Variants in DAPP1 observed in about 807,000 individuals in gnomAD.
DAPP1 encodes dual adaptor of phosphotyrosine and 3-phosphoinositides 1, also known as dual adapter for phosphotyrosine and 3-phosphotyrosine and 3-phosphoinositide.
In DAPP1, 20 loss-of-function variants were observed where a neutral mutation model predicts 41.5. The observed-to-expected ratio is 0.48, with a 90% CI of 0.34 to 0.70. DAPP1 has a LOEUF of 0.70. DAPP1 is among the 30% of genes least tolerant of loss of function. The pLI is 0.01. For synonymous variants in DAPP1, 113 were observed against 116.2 expected, an observed-to-expected ratio of 0.97 and a Z score of 0.18; for missense variants, 233 against 333.4, an observed-to-expected ratio of 0.70 and a Z score of 2.35.
Position 99,868,171 on chromosome 4 carries a change from T to C in DAPP1, c.829T>C (p.Phe277Leu). ...GGAAGGCACGATCCGATCTCGGTCG[T>C]TCATCTTTAAATAGATCTTTCTTGC... Reference protein sequence around the residue: ...QGEGTIRSRSFIFK With the variant: ...QGEGTIRSRSLIFK The change falls in exon 9 of 9, where the codon TTC becomes CTC. Residue 277 changes from phenylalanine to leucine, a missense_variant. Transcript: ENST00000512369. 2 of 1,613,960 alleles carry C rather than the reference T, an allele frequency of 1.2e-6. No individual in the cohort carries two copies. Among genetic ancestry groups the C allele is most frequent in the South Asian group, 2.2e-5 (2 of 91,086 alleles).
At chr4:99,828,398 T>C (rs1367347781) in intron 1 of DAPP1, among the ~76,000 whole-genome samples, 2 of 152,240 alleles carry the variant, frequency 1.3e-5, no homozygotes, top group Non-Finnish European at 2.9e-5. Context: ...GACATATGTA[T>C]GTTTATATAT....
rs182161586 is a variant in DAPP1 at position 99,855,233 on chromosome 4, C to G, written c.489+1885C>G. On this transcript the variant is annotated intron_variant, in intron 4 of 8. Coordinates refer to ENST00000512369, the MANE Select transcript of DAPP1 (RefSeq NM_014395.3). The stretch of plus-strand genomic sequence containing the variant: ...CACCCTTACCCTTAATATAGATCAC[C>G]AGTCACTTCAACATCTCTTTCATTT... 1.1e-3 allele frequency among the ~76,000 whole-genome samples: 166 copies of G among 152,304 alleles called. 1 individual carries two copies. The Middle Eastern group carries it at 0.017, about 16-fold the overall frequency.
At chr4:99,845,874 A>G (rs1723649246) in intron 3 of DAPP1, among the ~76,000 whole-genome samples, 1 of 152,250 alleles carries the variant, frequency 6.6e-6, no homozygotes, top group South Asian at 2.1e-4. Flanking sequence ...AATAAAATTT[A>G]CAGCTTGAGA....
intron 3 of DAPP1, among the ~76,000 whole-genome samples, chr4:99,849,758 T>C (rs911687861): frequency 2.6e-5 from 4 of 152,066 alleles, no homozygotes; most frequent in Non-Finnish European, 5.9e-5. Context: ...TCAAATAACT[T>C]TGGGGTGGGG....
rs1377569936 is a variant in DAPP1, at chr4:99,868,336, C to T, written c.*151C>T. Reference sequence around the variant, plus strand: ...GATGCTGATTGGGACCCATATACCACGTTGCTGACTCACGTTGCTGCCCTT... The same window carrying T: ...GATGCTGATTGGGACCCATATACCATGTTGCTGACTCACGTTGCTGCCCTT... On this transcript the variant is annotated 3_prime_UTR_variant, in exon 9 of 9. Transcript: ENST00000512369. 1.3e-5 allele frequency: 9 copies of T among 667,138 alleles called. No homozygotes were observed. Among genetic ancestry groups the T allele is most frequent in the South Asian group, 3.7e-5 (2 of 54,254 alleles). 41.3% of individuals were successfully genotyped at this position (667,138 alleles called of 1,614,324 possible). A position where few individuals can be genotyped will look rare whatever the true frequency, so the allele number is the denominator to read the frequency against.
rs1341162819 is a variant in DAPP1, at chr4:99,869,191, T to G, written c.*1006T>G. 6.6e-6 allele frequency: 1 copy of G among 152,170 alleles called. No homozygotes were observed. Among genetic ancestry groups the G allele is most frequent in the East Asian group, 1.9e-4 (1 of 5,188 alleles). The allele number at this position is 152,170 out of a possible 1,614,324, so 9.4% of individuals were successfully genotyped here. ...ACCCTGGGCCTTATTAAAGAGCAAC[T>G]TCTATTTCCAGTCGGGGGAGTAACA... On this transcript the variant is annotated 3_prime_UTR_variant, in exon 9 of 9. Transcript: ENST00000512369.
chr4:99,834,391 A>ATTTT (rs1018060738), intron 1 of DAPP1, among the ~76,000 whole-genome samples: 37 of 146,706 alleles, frequency 2.5e-4, no homozygotes, highest in African/African-American at 9.0e-4. Flanking sequence ...GACAATTTGA[A>ATTTT]TTTTTTTTTT....
chr4:99,871,201 T>G (rs1724619344), downstream of DAPP1, among the ~76,000 whole-genome samples: 1 of 152,162 alleles, frequency 6.6e-6, no homozygotes, highest in African/African-American at 2.4e-5. Context: ...AGAACTACTG[T>G]AAGGAGAAGG....
intron 8 of DAPP1, 142 bp downstream of exon 8, chr4:99,866,263 T>C (rs1236141569): frequency 3.3e-6 from 2 of 613,710 alleles, no homozygotes; most frequent in African/African-American, 1.9e-5. Context: ...TGCGGAACAG[T>C]CTGTTAATTC....
intron 4 of DAPP1, among the ~76,000 whole-genome samples, chr4:99,855,671 A>C (rs182987140): frequency 6.6e-6 from 1 of 152,334 alleles, no homozygotes; most frequent in East Asian, 1.9e-4. Flanking sequence ...ATTACTTCTC[A>C]TTGGGGAATC....
In DAPP1 at chr4:99,861,634, G is replaced by A. The variant is rs1724240038; in HGVS notation, c.537+9G>A. Reference sequence around the variant, plus strand: ...AGGGAGGCCTGGTCAAGGTAAGGAAGTGTGGTTTTGCTCATGCCAGCCACA... The same window carrying A: ...AGGGAGGCCTGGTCAAGGTAAGGAAATGTGGTTTTGCTCATGCCAGCCACA... On this transcript the variant is annotated intron_variant, in intron 5 of 8. Transcript: ENST00000512369. 2 of 1,569,144 alleles carry A rather than the reference G, an allele frequency of 1.3e-6. No homozygotes were observed. The highest frequency in any genetic ancestry group is 1.7e-6 in the Non-Finnish European group (2 of 1,156,152).
At chr4:99,818,061 A>G (rs1722649693) in intron 1 of DAPP1, among the ~76,000 whole-genome samples, 1 of 152,260 alleles carries the variant, frequency 6.6e-6, no homozygotes, top group Non-Finnish European at 1.5e-5. Context: ...TTAAGGCTGC[A>G]GAGATTGTAT....
At chr4:99,835,526 A>G (rs1723270153) in intron 1 of DAPP1, 97 bp from the exon 2 acceptor site, 5 of 1,522,474 alleles carry the variant, frequency 3.3e-6, no homozygotes, top group African/African-American at 1.4e-5. Context: ...ACTTATCTTG[A>G]AGAATGTTGC....
intron 3 of DAPP1, among the ~76,000 whole-genome samples, chr4:99,846,175 A>G (rs542366022): frequency 1.3e-5 from 2 of 152,332 alleles, no homozygotes; most frequent in East Asian, 3.9e-4. Context: ...GCTGCCTCCT[A>G]AAGAATCAAT....
intron 3 of DAPP1, among the ~76,000 whole-genome samples, chr4:99,850,226 A>T (rs1275407315): frequency 6.6e-6 from 1 of 152,162 alleles, no homozygotes; most frequent in Admixed American, 6.5e-5. Flanking sequence ...TCTGGCCAAC[A>T]TGACGAAACC....
intron 5 of DAPP1, 101 bp from the exon 6 acceptor site, chr4:99,862,909 A>T: frequency 1.2e-6 from 1 of 860,712 alleles, no homozygotes; most frequent in South Asian, 2.1e-5. Flanking sequence ...AATTTTTTAG[A>T]TACTTTTAAA....
chr4:99,817,087 G>A, intron 1 of DAPP1, 73 bp downstream of exon 1: 1 of 1,136,862 alleles, frequency 8.8e-7, no homozygotes, highest in South Asian at 1.4e-5. Context: ...TGCATGCTTT[G>A]ATTAATGACT....
In DAPP1 at chr4:99,869,651, C is replaced by T. The variant is rs538060973; in HGVS notation, c.*1466C>T. ...GTTTGTAAAGTAAGAAGTTACTGGC[C>T]AGGAGCGGCGGCTCATGCCTGTAAT... On this transcript the variant is annotated 3_prime_UTR_variant, in exon 9 of 9. Coordinates refer to ENST00000512369, the MANE Select transcript of DAPP1 (RefSeq NM_014395.3). 3 of 152,112 alleles carry T rather than the reference C, an allele frequency of 2.0e-5. No individual in the cohort carries two copies. The highest frequency in any genetic ancestry group is 4.1e-4 in the South Asian group (2 of 4,824). 9.4% of individuals were successfully genotyped at this position (152,112 alleles called of 1,614,324 possible). A position where few individuals can be genotyped will look rare whatever the true frequency, so the allele number is the denominator to read the frequency against.
chr4:99,830,291 G>A (rs764385043), intron 1 of DAPP1, among the ~76,000 whole-genome samples: 3 of 152,068 alleles, frequency 2.0e-5, no homozygotes, highest in Admixed American at 6.5e-5. Flanking sequence ...GCTGAGGCAC[G>A]AGAATTGCGT....
Sources: gnomAD v4.1 joint callset for allele counts (sites outside exome capture counted in the v4.1 genomes callset) on GRCh38, gnomAD v4.1.1 for gene constraint, MANE v1.5 for transcripts, NCBI Gene and HGNC (gene_info 2026-07-23, HGNC 2026-07-21) for gene names.